The following DAB1 variants were observed in gnomAD, a reference collection of about 807,000 sequenced individuals.
DAB1 encodes DAB adaptor protein 1.
In DAB1, 15 loss-of-function variants were observed where a neutral mutation model predicts 64.6. That is an observed-to-expected ratio of 0.23 (90% CI 0.16 to 0.36). The LOEUF is 0.36. Ranked by LOEUF, DAB1 falls within the 10% of genes least tolerant of loss-of-function variation. The pLI, the probability that DAB1 is intolerant of heterozygous loss-of-function variation, is 1.00. For synonymous variants in DAB1, 235 were observed against 251.9 expected (o/e 0.93, Z 0.64); for missense variants, 596 against 706.7 (o/e 0.84, Z 1.78).
intron 1 of DAB1, among the ~76,000 whole-genome samples, chr1:57,306,674 T>C (rs1167556798): frequency 6.6e-6 from 1 of 152,186 alleles, no homozygotes. Flanking sequence ...ACAAGGCTTC[T>C]GGGTAGCCTG....
chr1:58,347,326 G>A (rs538028274), intron 3 of DAB1, among the ~76,000 whole-genome samples: 1 of 152,180 alleles, frequency 6.6e-6, no homozygotes, highest in South Asian at 2.1e-4. Context: ...CAGGCTGGTC[G>A]CAAACTCCTG....
intron 1 of DAB1, among the ~76,000 whole-genome samples, chr1:57,873,796 A>G (rs1022094435): frequency 6.6e-6 from 1 of 152,210 alleles, no homozygotes; most frequent in Non-Finnish European, 1.5e-5. Context: ...TAAAGTTCTT[A>G]TCACAATAAT....
At chr1:57,342,648 A>G (rs11207014) in intron 1 of DAB1, among the ~76,000 whole-genome samples, 77,677 of 152,020 alleles carry the variant, frequency 0.51, 20,589 homozygotes, top group Non-Finnish European at 0.56. Context: ...GGACCCTGGC[A>G]GTGAGTGTTA....
At chr1:57,685,215 G>A (rs1361646008) in intron 6 of DAB1, among the ~76,000 whole-genome samples, 3 of 151,602 alleles carry the variant, frequency 2.0e-5, no homozygotes, top group Non-Finnish European at 2.9e-5. Flanking sequence ...GCCTCCCAAA[G>A]TGCTGGGATT....
chr1:57,534,754 G>A (rs1465756352), intron 7 of DAB1, among the ~76,000 whole-genome samples: 1 of 152,062 alleles, frequency 6.6e-6, no homozygotes, highest in Non-Finnish European at 1.5e-5. Context: ...GCCATGTGCT[G>A]GTGGAATCAG....
intron 12 of DAB1, 92 bp downstream of exon 12, chr1:57,014,791 A>G (rs572865150): frequency 2.9e-6 from 3 of 1,039,624 alleles, no homozygotes; most frequent in East Asian, 2.5e-5. Flanking sequence ...GATTAATGCA[A>G]GTGAGATGAG....
intron 1 of DAB1, among the ~76,000 whole-genome samples, chr1:57,863,631 A>G (rs1313797614): frequency 6.6e-6 from 1 of 152,106 alleles, no homozygotes; most frequent in East Asian, 1.9e-4. Context: ...GCCAGGGCCC[A>G]CCACCCAATC....
At chr1:57,731,312 G>A (rs1231855777) in intron 6 of DAB1, among the ~76,000 whole-genome samples, 3 of 152,122 alleles carry the variant, frequency 2.0e-5, no homozygotes, top group Admixed American at 2.0e-4. Flanking sequence ...GTTTCCAGGG[G>A]ACAGGGCCTG....
At chr1:57,658,658 G>T (rs6696726) in intron 6 of DAB1, among the ~76,000 whole-genome samples, 3,373 of 152,124 alleles carry the variant, frequency 0.022, 101 homozygotes, top group African/African-American at 0.073. Flanking sequence ...CTCCTCCCAG[G>T]TTCAGACAAT....
At chr1:57,297,965 C>T (rs1673339033) in intron 1 of DAB1, among the ~76,000 whole-genome samples, 1 of 152,150 alleles carries the variant, frequency 6.6e-6, no homozygotes, top group African/African-American at 2.4e-5. Flanking sequence ...GAGCTCTAAG[C>T]TTCCTCTCTA....
intron 4 of DAB1, among the ~76,000 whole-genome samples, chr1:57,108,258 C>T (rs976858933): frequency 6.6e-6 from 1 of 152,262 alleles, no homozygotes; most frequent in South Asian, 2.1e-4. Context: ...TTGTTAAATT[C>T]GGTAAGGAGA....
At chr1:57,872,547 T>A (rs78148518) in intron 1 of DAB1, among the ~76,000 whole-genome samples, 1 of 152,198 alleles carries the variant, frequency 6.6e-6, no homozygotes, top group Non-Finnish European at 1.5e-5. Flanking sequence ...CTAAGATAAC[T>A]ACCCACTGGT....
At chr1:57,463,818 C>A (rs545678443) in intron 7 of DAB1, among the ~76,000 whole-genome samples, 1 of 152,274 alleles carries the variant, frequency 6.6e-6, no homozygotes, top group East Asian at 1.9e-4. Context: ...TGGTGTCAGG[C>A]ACTACAATAT....
chr1:57,411,149 T>C (rs1256938512), intron 1 of DAB1, among the ~76,000 whole-genome samples: 1 of 152,196 alleles, frequency 6.6e-6, no homozygotes. Flanking sequence ...TACAGATATA[T>C]GTTACAATTT....
At chr1:57,132,705 C>T (rs1570751026) in intron 4 of DAB1, among the ~76,000 whole-genome samples, 1 of 152,232 alleles carries the variant, frequency 6.6e-6, no homozygotes, top group South Asian at 2.1e-4. Context: ...AAGGGATACT[C>T]AACCTGTATT....
At chr1:58,141,312 G>A (rs1654270209) in intron 5 of DAB1, among the ~76,000 whole-genome samples, 1 of 152,184 alleles carries the variant, frequency 6.6e-6, no homozygotes, top group African/African-American at 2.4e-5. Flanking sequence ...CATGGTGGCA[G>A]GCAAGAGAGC....
chr1:58,408,084 T>A (rs567991758), intron 3 of DAB1, among the ~76,000 whole-genome samples: 132 of 152,292 alleles, frequency 8.7e-4, no homozygotes, highest in South Asian at 1.5e-3. Context: ...CAGTTAGACA[T>A]GCATTTCTCC....
At chr1:58,296,750 A>C (rs1299462370) in intron 4 of DAB1, among the ~76,000 whole-genome samples, 1 of 152,156 alleles carries the variant, frequency 6.6e-6, no homozygotes, top group Non-Finnish European at 1.5e-5. Flanking sequence ...GGAAGGCAGA[A>C]TTGTTGTATG....
At chr1:57,214,053 A>T (rs1187888719) in intron 2 of DAB1, among the ~76,000 whole-genome samples, 1 of 152,172 alleles carries the variant, frequency 6.6e-6, no homozygotes, top group Non-Finnish European at 1.5e-5. Context: ...CACTTGTCTT[A>T]GTCCTTTTTG....
Sources: gnomAD v4.1 joint callset for allele counts (sites outside exome capture counted in the v4.1 genomes callset) on GRCh38, gnomAD v4.1.1 for gene constraint, MANE v1.5 for transcripts, NCBI Gene and HGNC (gene_info 2026-07-23, HGNC 2026-07-21) for gene names.